Variants in TAFA2 observed in about 807,000 individuals in gnomAD.
TAFA2 encodes the protein chemokine-like protein TAFA-2.
TAFA2 carries 7 observed loss-of-function variants against 18.8 expected under a neutral mutation model. The ratio of observed to expected loss-of-function variants is 0.37; its 90% CI spans 0.21 to 0.70. TAFA2 has a LOEUF of 0.70. Ranked by LOEUF, TAFA2 falls within the 30% of genes least tolerant of loss-of-function variation. TAFA2 has a pLI of 0.53. For synonymous variants in TAFA2, 60 were observed against 54.2 expected, an observed-to-expected ratio of 1.11 and a Z score of -0.47; for missense variants, 122 against 158.1, an observed-to-expected ratio of 0.77 and a Z score of 1.23.
chr12:62,058,325 C>T (rs1592310028), intron 1 of TAFA2, among the ~76,000 whole-genome samples: 1 of 152,208 alleles, frequency 6.6e-6, no homozygotes, highest in African/African-American at 2.4e-5. Flanking sequence ...TTTGGAAATT[C>T]CCACTCTTCA....
At chr12:62,144,645 A>T (rs1170012442) in intron 1 of TAFA2, among the ~76,000 whole-genome samples, 1 of 152,234 alleles carries the variant, frequency 6.6e-6, no homozygotes, top group Non-Finnish European at 1.5e-5. Flanking sequence ...AAACATTAAG[A>T]TACAAACATT....
At chr12:61,743,018 A>C (rs1459700328) in intron 4 of TAFA2, among the ~76,000 whole-genome samples, 2 of 151,982 alleles carry the variant, frequency 1.3e-5, no homozygotes, top group Non-Finnish European at 2.9e-5. Context: ...TCACCACTGC[A>C]TGGAGAAAAA....
At chr12:61,813,644 C>T (rs1057486332) in intron 2 of TAFA2, among the ~76,000 whole-genome samples, 1 of 151,292 alleles carries the variant, frequency 6.6e-6, no homozygotes, top group Non-Finnish European at 1.5e-5. Context: ...ACTATATATT[C>T]TTCATGTTTA....
intron 1 of TAFA2, among the ~76,000 whole-genome samples, chr12:61,889,173 C>T (rs7962817): frequency 2.0e-5 from 3 of 151,978 alleles, no homozygotes; most frequent in Non-Finnish European, 2.9e-5. Context: ...TTAGGAAGGT[C>T]CATGACACAC....
intron 4 of TAFA2, among the ~76,000 whole-genome samples, chr12:61,728,895 G>C (rs1326388235): frequency 6.6e-6 from 1 of 151,882 alleles, no homozygotes; most frequent in Non-Finnish European, 1.5e-5. Context: ...TTTGTGTCAA[G>C]ATTTAGAATT....
chr12:62,147,711 C>T (rs1188735058), intron 1 of TAFA2, among the ~76,000 whole-genome samples: 7 of 101,774 alleles, frequency 6.9e-5, no homozygotes, highest in African/African-American at 2.9e-4. Flanking sequence ...GCCTGGGCAA[C>T]AGAGCAAGAC....
intron 2 of TAFA2, among the ~76,000 whole-genome samples, chr12:61,847,063 A>G (rs1873435543): frequency 6.6e-6 from 1 of 152,138 alleles, no homozygotes; most frequent in Admixed American, 6.5e-5. Context: ...CCCGCTACAC[A>G]GCAACTATCT....
At chr12:61,820,915 T>A (rs905197639) in intron 2 of TAFA2, among the ~76,000 whole-genome samples, 3 of 152,080 alleles carry the variant, frequency 2.0e-5, no homozygotes, top group African/African-American at 7.2e-5. Context: ...TTGAAAATAT[T>A]TGATTACATT....
At chr12:61,826,026 T>G (rs1227002794) in intron 2 of TAFA2, among the ~76,000 whole-genome samples, 1 of 152,110 alleles carries the variant, frequency 6.6e-6, no homozygotes, top group Non-Finnish European at 1.5e-5. Context: ...CTGACATACT[T>G]TCCATTTCTT....
intron 1 of TAFA2, among the ~76,000 whole-genome samples, chr12:61,985,854 A>T (rs950578881): frequency 6.6e-6 from 1 of 152,182 alleles, no homozygotes; most frequent in African/African-American, 2.4e-5. Flanking sequence ...TCTGATTGCT[A>T]TATTTAGATG....
intron 1 of TAFA2, among the ~76,000 whole-genome samples, chr12:62,207,473 C>T (rs774781731): frequency 4.0e-5 from 6 of 150,120 alleles, no homozygotes; most frequent in Non-Finnish European, 7.4e-5. Flanking sequence ...CACACACAAA[C>T]ACACACACAC....
chr12:62,185,959 G>A (rs2062583110), intron 1 of TAFA2, among the ~76,000 whole-genome samples: 1 of 152,094 alleles, frequency 6.6e-6, no homozygotes, highest in Non-Finnish European at 1.5e-5. Context: ...CAATAATTTT[G>A]AATGATCAGT....
In TAFA2 at chr12:61,725,443, C is replaced by T. The variant is rs531630621; in HGVS notation, c.385-15026G>A. Among the ~76,000 whole-genome samples the T allele has an allele frequency of 3.3e-5, 5 of 152,080 alleles. No individual in the cohort carries two copies. The East Asian group carries it at 9.7e-4, about 29-fold the overall frequency. On this transcript the variant is annotated intron_variant, in intron 4 of 4. Coordinates refer to ENST00000416284, the MANE Select transcript of TAFA2 (RefSeq NM_178539.5). ...TCTAACATTTAAGCCTTTGATCCAT[C>T]TTGGGTTGATTTTTTTATAAGGTGG...
chr12:62,123,943 C>T (rs1012189281), intron 1 of TAFA2, among the ~76,000 whole-genome samples: 2 of 152,074 alleles, frequency 1.3e-5, no homozygotes, highest in African/African-American at 4.8e-5. Context: ...GGTTACAGAA[C>T]TTATTCATCA....
At chr12:62,215,584 C>G (rs963634503) in intron 1 of TAFA2, among the ~76,000 whole-genome samples, 2 of 109,358 alleles carry the variant, frequency 1.8e-5, no homozygotes, top group Non-Finnish European at 3.9e-5. Context: ...AAAAAAGGGG[C>G]GGAAGAACTT....
At chr12:62,010,581 G>A (rs937172668) in intron 1 of TAFA2, among the ~76,000 whole-genome samples, 7 of 152,024 alleles carry the variant, frequency 4.6e-5, no homozygotes, top group East Asian at 1.9e-4. Flanking sequence ...CCGCCACCCC[G>A]TCTGGGAAGT....
At chr12:62,183,007 G>T (rs976636784) in intron 1 of TAFA2, among the ~76,000 whole-genome samples, 2 of 152,172 alleles carry the variant, frequency 1.3e-5, no homozygotes, top group Admixed American at 6.5e-5. Flanking sequence ...TGTATACTAA[G>T]ATAGCCCAAA....
chr12:62,114,741 C>A lies in TAFA2; in HGVS notation c.-2+76518G>T, dbSNP rs184226722. Among the ~76,000 whole-genome samples, 350 of 152,272 alleles carry A rather than the reference C, an allele frequency of 2.3e-3. 2 individuals carry two copies. The highest frequency in any genetic ancestry group is 8.1e-3 in the African/African-American group (337 of 41,552). ...CAAAGGTACTAAACTATAGGGCCAG[C>A]CTTTGAATCAGAGTATACCTGAATC... On this transcript the variant is annotated intron_variant, in intron 1 of 4. Coordinates refer to ENST00000416284, the MANE Select transcript of TAFA2 (RefSeq NM_178539.5).
chr12:62,127,424 T>G (rs991415232), intron 1 of TAFA2, among the ~76,000 whole-genome samples: 4 of 152,086 alleles, frequency 2.6e-5, no homozygotes, highest in African/African-American at 9.7e-5. Context: ...GTTGTTGAGT[T>G]ATATACACTC....
Sources: allele counts gnomAD v4.1 joint callset (sites outside exome capture counted in the v4.1 genomes callset), GRCh38; gene constraint gnomAD v4.1.1; transcripts MANE v1.5; gene names NCBI Gene and HGNC (gene_info 2026-07-23, HGNC 2026-07-21).